MDFIC: variants seen among roughly 807,000 people sequenced by gnomAD.
MDFIC encodes MyoD family inhibitor domain containing, also known as myoD family inhibitor domain-containing protein.
Under a neutral mutation model 23.2 loss-of-function variants are expected in MDFIC, and 17 were observed. The ratio of observed to expected loss-of-function variants is 0.73; its 90% confidence interval spans 0.50 to 1.10. The LOEUF (loss-of-function observed/expected upper bound fraction) is 1.10. Ranked by LOEUF, MDFIC falls within the 50% of genes least tolerant of loss-of-function variation. MDFIC has a pLI of 0.00. For synonymous variants in MDFIC, 120 were observed against 115.2 expected, an observed-to-expected ratio of 1.04 and a Z score of -0.27; for missense variants, 356 against 316.6, an observed-to-expected ratio of 1.12 and a Z score of -0.95.
intron 4 of MDFIC, among the ~76,000 whole-genome samples, chr7:115,012,972 C>G (rs1230691833): frequency 6.6e-6 from 1 of 151,998 alleles, no homozygotes; most frequent in Non-Finnish European, 1.5e-5. Flanking sequence ...GAGTAAGACT[C>G]TGTCTCAAAA....
At chr7:114,988,261 G>T (rs1725757092) in intron 4 of MDFIC, among the ~76,000 whole-genome samples, 2 of 152,096 alleles carry the variant, frequency 1.3e-5, no homozygotes, top group African/African-American at 2.4e-5. Flanking sequence ...GAAGCTTTAG[G>T]GTGTGGGGTA....
At chr7:114,942,617 A>G (rs977333123) in intron 3 of MDFIC, among the ~76,000 whole-genome samples, 5 of 152,214 alleles carry the variant, frequency 3.3e-5, no homozygotes, top group Non-Finnish European at 5.9e-5. Flanking sequence ...ACGCGTAAAT[A>G]TTGAACTCTT....
chr7:115,001,525 A>G (rs1791465428), intron 4 of MDFIC, among the ~76,000 whole-genome samples: 1 of 152,192 alleles, frequency 6.6e-6, no homozygotes, highest in Non-Finnish European at 1.5e-5. Context: ...TTTAACATCT[A>G]TGGTAGATAT....
At chr7:114,974,917 A>C (rs1196389669) in intron 3 of MDFIC, among the ~76,000 whole-genome samples, 2 of 151,864 alleles carry the variant, frequency 1.3e-5, no homozygotes, top group Non-Finnish European at 2.9e-5. Flanking sequence ...TTGTGTCAGC[A>C]ATGTTTTTTT....
chr7:115,012,664 G>A (rs530097720), intron 4 of MDFIC, among the ~76,000 whole-genome samples: 1 of 152,168 alleles, frequency 6.6e-6, no homozygotes, highest in African/African-American at 2.4e-5. Context: ...AAACACTGAT[G>A]ATGACCAAAA....
chr7:114,928,289 G>T (rs1402381070), intron 2 of MDFIC, among the ~76,000 whole-genome samples: 1 of 151,902 alleles, frequency 6.6e-6, no homozygotes, highest in Non-Finnish European at 1.5e-5. Flanking sequence ...TGGAGAGGTT[G>T]AACTGTTTAA....
chr7:114,969,399 C>T (rs570988602), intron 3 of MDFIC, among the ~76,000 whole-genome samples: 54 of 152,272 alleles, frequency 3.5e-4, no homozygotes, highest in Non-Finnish European at 7.4e-4. Flanking sequence ...GGGTGCTGAA[C>T]ATCATACAAG....
chr7:115,003,053 GC>G (rs1791494815), intron 4 of MDFIC, among the ~76,000 whole-genome samples: 1 of 151,984 alleles, frequency 6.6e-6, no homozygotes, highest in Non-Finnish European at 1.5e-5. Context: ...CTAACACATC[GC>G]CAAAATTTCT....
In MDFIC at chr7:114,935,220, A is replaced by G. The variant is rs1037895428; in HGVS notation, c.95-7055A>G. ...TGAAATTGTTTAAAGCAAGTTTGTT[A>G]TACATAAGGGAGGTATGAATACAAA... On this transcript the variant is annotated intron_variant, in intron 2 of 4. Transcript: ENST00000393486. Among the ~76,000 whole-genome samples the G allele has an allele frequency of 3.3e-5, 5 of 152,138 alleles. No individual in the cohort carries two copies. The East Asian group carries it at 9.6e-4, about 29-fold the overall frequency.
intron 3 of MDFIC, among the ~76,000 whole-genome samples, chr7:114,974,632 T>C (rs1311663195): frequency 6.6e-6 from 1 of 152,152 alleles, no homozygotes; most frequent in South Asian, 2.1e-4. Flanking sequence ...TTATACACTA[T>C]AGCAAAATGT....
At chr7:114,933,799 G>A (rs1367439769) in intron 2 of MDFIC, 1 of 152,224 alleles carries the variant, frequency 6.6e-6, no homozygotes, top group East Asian at 1.9e-4. Context: ...ATATGGCACT[G>A]TCACATGGAG....
chr7:114,962,690 C>A (rs889190899), intron 3 of MDFIC, among the ~76,000 whole-genome samples: 2 of 152,150 alleles, frequency 1.3e-5, no homozygotes, highest in Non-Finnish European at 2.9e-5. Flanking sequence ...AGGTTGAGAA[C>A]TACTGCTAGA....
intron 2 of MDFIC, among the ~76,000 whole-genome samples, chr7:114,926,062 C>T (rs891967656): frequency 6.6e-6 from 1 of 152,078 alleles, no homozygotes; most frequent in African/African-American, 2.4e-5. Flanking sequence ...TGTGTGGTCC[C>T]TGTAATTGCC....
At chr7:115,011,450 G>C (rs1791680100) in intron 4 of MDFIC, among the ~76,000 whole-genome samples, 1 of 152,088 alleles carries the variant, frequency 6.6e-6, no homozygotes, top group Admixed American at 6.5e-5. Context: ...CTGCATTGAA[G>C]CTAGAGCTCC....
intron 2 of MDFIC, among the ~76,000 whole-genome samples, chr7:114,926,837 C>T (rs987806855): frequency 2.0e-5 from 3 of 152,122 alleles, no homozygotes; most frequent in Non-Finnish European, 4.4e-5. Flanking sequence ...ATAATGTATA[C>T]TTGTACATAT....
intron 2 of MDFIC, among the ~76,000 whole-genome samples, chr7:114,934,650 T>C (rs923259967): frequency 2.0e-5 from 3 of 152,164 alleles, no homozygotes; most frequent in Admixed American, 2.0e-4. Context: ...TGCTCAGAAG[T>C]CTTATTATTT....
At chr7:114,930,101 T>G (rs1010726727) in intron 2 of MDFIC, among the ~76,000 whole-genome samples, 6 of 152,012 alleles carry the variant, frequency 3.9e-5, no homozygotes, top group African/African-American at 1.4e-4. Flanking sequence ...AGGGAAGAAT[T>G]AAAGGGATAG....
intron 4 of MDFIC, among the ~76,000 whole-genome samples, chr7:114,982,987 CA>C (rs1793444221): frequency 6.6e-6 from 1 of 152,320 alleles, no homozygotes; most frequent in African/African-American, 2.4e-5. Context: ...CCCTCATGGC[CA>C]AATCACCTCT....
Position 115,016,644 on chromosome 7 carries a change from CTAAATAAATAAATAAATAAATAAA to C in MDFIC, c.*730_*753del, listed in dbSNP as rs35602216. The C allele has an allele frequency of 1.6e-3, 233 of 142,420 alleles. 2 individuals are homozygous for C. Among genetic ancestry groups the C allele is most frequent in the African/African-American group, 5.4e-3 (206 of 38,166 alleles). The allele number at this position is 142,420 out of a possible 1,614,324, so 8.8% of individuals were successfully genotyped here. On this transcript the variant is annotated 3_prime_UTR_variant, in exon 5 of 5. Transcript: ENST00000393486. Reference sequence around the variant, plus strand: ...TGGGCAACAGAGCGAGACTCCATCTCTAAATAAATAAATAAATAAATAAATAAATAAATAAATAAATAAACAAAC... The same window carrying C: ...TGGGCAACAGAGCGAGACTCCATCTCTAAATAAATAAATAAATAAACAAAC...
Sources: allele counts gnomAD v4.1 joint callset (sites outside exome capture counted in the v4.1 genomes callset), GRCh38; gene constraint gnomAD v4.1.1; transcripts MANE v1.5; gene names NCBI Gene and HGNC (gene_info 2026-07-23, HGNC 2026-07-21).